Variants in PPP6R3 observed in about 807,000 individuals in gnomAD.
PPP6R3 encodes the protein serine/threonine-protein phosphatase 6 regulatory subunit 3.
In PPP6R3, 38 loss-of-function variants were observed where a neutral mutation model predicts 110.7. The ratio of observed to expected loss-of-function variants is 0.34; its 90% CI spans 0.26 to 0.45. The LOEUF is 0.45. Ranked by LOEUF, PPP6R3 falls within the 20% of genes least tolerant of loss-of-function variation. PPP6R3 has a pLI of 1.00. For synonymous variants in PPP6R3, 369 were observed against 373.5 expected (o/e 0.99, Z 0.14); for missense variants, 870 against 1,062.4 (o/e 0.82, Z 2.52).
chr11:68,551,331 T>C, intron 6 of PPP6R3, 145 bp downstream of exon 6: 1 of 637,666 alleles, frequency 1.6e-6, no homozygotes, highest in Non-Finnish European at 2.6e-6. Flanking sequence ...TTAAAGTTGA[T>C]ACTTTTCTAA....
At chr11:68,585,570 T>A (rs867855030) in intron 15 of PPP6R3, among the ~76,000 whole-genome samples, 7 of 152,250 alleles carry the variant, frequency 4.6e-5, no homozygotes, top group Non-Finnish European at 8.8e-5. Flanking sequence ...GCACTTTTTA[T>A]ATACCTTTAA....
intron 6 of PPP6R3, among the ~76,000 whole-genome samples, chr11:68,552,957 A>T (rs549403735): frequency 6.6e-6 from 1 of 152,248 alleles, no homozygotes; most frequent in Admixed American, 6.5e-5. Flanking sequence ...GTTTTTGGAC[A>T]GTCCTGTTGA....
intron 1 of PPP6R3, among the ~76,000 whole-genome samples, chr11:68,461,039 C>A (rs1027815639): frequency 1.3e-5 from 2 of 151,664 alleles, no homozygotes; most frequent in African/African-American, 4.8e-5. Context: ...TCCTGTTAGC[C>A]GGGGGCCCCG....
At chr11:68,496,985 G>C (rs1351940984) in intron 1 of PPP6R3, among the ~76,000 whole-genome samples, 15 of 131,108 alleles carry the variant, frequency 1.1e-4, no homozygotes, top group South Asian at 5.5e-4. Context: ...CTTCAACCTC[G>C]CGAGTAGCTG....
chr11:68,592,658 T>C (rs2099599088), intron 18 of PPP6R3, among the ~76,000 whole-genome samples: 1 of 152,170 alleles, frequency 6.6e-6, no homozygotes, highest in Non-Finnish European at 1.5e-5. Flanking sequence ...TTATTCCTGC[T>C]CTCGTCTTCT....
chr11:68,533,936 C>T (rs773404512), intron 2 of PPP6R3, among the ~76,000 whole-genome samples: 5 of 152,134 alleles, frequency 3.3e-5, no homozygotes, highest in Non-Finnish European at 7.3e-5. Flanking sequence ...TGGGCAGGAA[C>T]TTACAGCAGT....
intron 22 of PPP6R3, among the ~76,000 whole-genome samples, chr11:68,605,614 A>G (rs908813878): frequency 3.9e-5 from 6 of 152,278 alleles, no homozygotes; most frequent in African/African-American, 1.4e-4. Flanking sequence ...AAGCCAAACC[A>G]TAAAGGAAAA....
At chr11:68,511,194 A>G (rs2099107225) in intron 1 of PPP6R3, among the ~76,000 whole-genome samples, 1 of 150,494 alleles carries the variant, frequency 6.6e-6, no homozygotes. Context: ...TAGCCTCCTG[A>G]GTAGCTGGGA....
At chr11:68,532,160 T>C (rs2099244642) in intron 2 of PPP6R3, among the ~76,000 whole-genome samples, 1 of 152,248 alleles carries the variant, frequency 6.6e-6, no homozygotes, top group Non-Finnish European at 1.5e-5. Context: ...TTCAAGGTAC[T>C]TGGCCTCAGA....
intron 17 of PPP6R3, among the ~76,000 whole-genome samples, 179 bp downstream of exon 17, chr11:68,590,893 A>G (rs2099593176): frequency 6.6e-6 from 1 of 152,160 alleles, no homozygotes; most frequent in African/African-American, 2.4e-5. Context: ...TGATTTTTGC[A>G]GCCCTGGTTT....
chr11:68,610,134 A>G, intron 23 of PPP6R3, 111 bp downstream of exon 23: 4 of 1,432,000 alleles, frequency 2.8e-6, no homozygotes, highest in Non-Finnish European at 3.7e-6. Context: ...CTCAAGTCTT[A>G]GGCCGCTGAC....
In PPP6R3 at chr11:68,614,958, C is replaced by T. The variant is rs1944970199; in HGVS notation, c.*1841C>T. On this transcript the variant is annotated 3_prime_UTR_variant, in exon 24 of 24. Transcript: ENST00000393800. ...GCTCCACTGGTGGCACACGTGGCCT[C>T]CGTGGTATGGACCTGGTGGCTTCTC... 1.6e-6 allele frequency: 1 copy of T among 606,716 alleles called. No homozygotes were observed. The highest frequency in any genetic ancestry group is 2.1e-5 in the Admixed American group (1 of 46,728). 37.6% of individuals were successfully genotyped at this position (606,716 alleles called of 1,614,324 possible). A position where few individuals can be genotyped will look rare whatever the true frequency, so the allele number is the denominator to read the frequency against.
intron 2 of PPP6R3, among the ~76,000 whole-genome samples, chr11:68,527,545 C>T (rs17149152): frequency 0.016 from 2,402 of 152,342 alleles, 66 homozygotes; most frequent in East Asian, 0.052. Context: ...GTAGGAAATA[C>T]GAACTCTGTT....
intron 15 of PPP6R3, among the ~76,000 whole-genome samples, chr11:68,585,681 G>A (rs1227567962): frequency 6.6e-6 from 1 of 152,180 alleles, no homozygotes; most frequent in Non-Finnish European, 1.5e-5. Flanking sequence ...GCTAGAAGCT[G>A]TAATTGACTT....
At chr11:68,531,060 A>T (rs2099236346) in intron 2 of PPP6R3, among the ~76,000 whole-genome samples, 1 of 152,252 alleles carries the variant, frequency 6.6e-6, no homozygotes, top group African/African-American at 2.4e-5. Flanking sequence ...CAACTTTTTC[A>T]GAGGTAGTTT....
intron 8 of PPP6R3, 48 bp downstream of exon 8, chr11:68,558,727 C>G: frequency 7.0e-7 from 1 of 1,422,232 alleles, no homozygotes; most frequent in Non-Finnish European, 9.8e-7. Context: ...GTTTTGCTTT[C>G]AGATTTAAGA....
At chr11:68,544,033 G>T (rs764059676) in intron 3 of PPP6R3, among the ~76,000 whole-genome samples, 19 of 152,200 alleles carry the variant, frequency 1.2e-4, no homozygotes, top group Non-Finnish European at 2.2e-4. Flanking sequence ...AAGACTCATG[G>T]TGGGCTGACT....
At chr11:68,462,159 A>G (rs1417203757) in intron 1 of PPP6R3, among the ~76,000 whole-genome samples, 1 of 152,188 alleles carries the variant, frequency 6.6e-6, no homozygotes, top group African/African-American at 2.4e-5. Flanking sequence ...GTGGCTGATT[A>G]GTGGTTAGGC....
chr11:68,576,914 A>G (rs1021510838), intron 14 of PPP6R3, among the ~76,000 whole-genome samples: 21 of 152,222 alleles, frequency 1.4e-4, no homozygotes, highest in Non-Finnish European at 2.2e-4. Flanking sequence ...GAGAGCAGCC[A>G]CTTGGTCCTC....
Sources: allele counts gnomAD v4.1 joint callset (sites outside exome capture counted in the v4.1 genomes callset), GRCh38; gene constraint gnomAD v4.1.1; transcripts MANE v1.5; gene names NCBI Gene and HGNC (gene_info 2026-07-23, HGNC 2026-07-21).